Variants in LRCH3 observed in about 807,000 individuals in gnomAD.
LRCH3 encodes leucine rich repeats and calponin homology domain containing 3, also known as DISP complex protein LRCH3.
Under a neutral mutation model 104.5 loss-of-function variants are expected in LRCH3, and 68 were observed. That is an observed-to-expected ratio of 0.65 (90% CI 0.54 to 0.80). The LOEUF (loss-of-function observed/expected upper bound fraction) is 0.80. Among genes scored for constraint, LRCH3 ranks in the 30% least tolerant of loss-of-function variants. The pLI is 0.00. For missense variants in LRCH3, 951 were observed against 953.9 expected (o/e 1.00, Z 0.04); for synonymous variants, 344 against 361.3 (o/e 0.95, Z 0.54).
chr3:197,875,317 G>C (rs184527139), intron 19 of LRCH3, among the ~76,000 whole-genome samples: 152 of 152,294 alleles, frequency 1.0e-3, no homozygotes, highest in African/African-American at 3.4e-3. Context: ...CTACAGCATT[G>C]AGAGTTATGA....
intron 18 of LRCH3, among the ~76,000 whole-genome samples, 174 bp from the exon 19 acceptor site, chr3:197,871,151 G>A (rs542803092): frequency 4.6e-5 from 7 of 151,960 alleles, no homozygotes; most frequent in African/African-American, 7.2e-5. Context: ...CCTGGCTGCC[G>A]TCCATATATA....
At chr3:197,863,352 T>TC (rs1259418972) in intron 15 of LRCH3, among the ~76,000 whole-genome samples, 1 of 152,128 alleles carries the variant, frequency 6.6e-6, no homozygotes, top group Non-Finnish European at 1.5e-5. Flanking sequence ...AACCTCCGCC[T>TC]CCATGTTCAA....
chr3:197,875,097 A>G (rs1355042851), intron 19 of LRCH3, among the ~76,000 whole-genome samples: 1 of 151,850 alleles, frequency 6.6e-6, no homozygotes, highest in African/African-American at 2.4e-5. Context: ...CACCTGGCTA[A>G]TTTTTGTATT....
rs149355815 is a variant in LRCH3 at position 197,830,465 on chromosome 3, T to A, written c.888-305T>A. The stretch of plus-strand genomic sequence containing the variant: ...TACTCAAAAGAGAACCTCTCAGGCC[T>A]TCTCTTGAACCTCTCAAATTTTGCT... On this transcript the variant is annotated intron_variant, in intron 6 of 20. Transcript: ENST00000425562. Among the ~76,000 whole-genome samples, 59 of 152,344 alleles carry A rather than the reference T, an allele frequency of 3.9e-4. No individual in the cohort carries two copies. In the East Asian group the frequency reaches 0.011, roughly 29 times the overall value.
chr3:197,882,830 G>C, intron 20 of LRCH3: 22 of 985,362 alleles, frequency 2.2e-5, no homozygotes, highest in Non-Finnish European at 2.7e-5. Context: ...AGCTTACATA[G>C]TAGTTCCCTG....
intron 4 of LRCH3, among the ~76,000 whole-genome samples, chr3:197,824,487 T>C (rs1017505309): frequency 1.3e-5 from 2 of 150,682 alleles, no homozygotes; most frequent in Admixed American, 1.3e-4. Context: ...AGATTCTCTA[T>C]CCCTTTTTTC....
intron 4 of LRCH3, among the ~76,000 whole-genome samples, chr3:197,822,124 T>G (rs1371081435): frequency 6.6e-6 from 1 of 152,242 alleles, no homozygotes; most frequent in East Asian, 1.9e-4. Context: ...GAACGTGACC[T>G]TTTCAGTCCA....
chr3:197,792,145 C>G (rs1394338302), intron 1 of LRCH3, among the ~76,000 whole-genome samples: 3 of 151,484 alleles, frequency 2.0e-5, no homozygotes, highest in Admixed American at 2.0e-4. Context: ...TGAAGTGAAC[C>G]CGAACGCTGG....
At chr3:197,862,289 G>A (rs1047969797) in intron 15 of LRCH3, among the ~76,000 whole-genome samples, 3 of 152,152 alleles carry the variant, frequency 2.0e-5, no homozygotes, top group Non-Finnish European at 2.9e-5. Context: ...AGCCTACTGC[G>A]CCCGGCCTGT....
At chr3:197,855,866 A>G (rs1163671302) in intron 14 of LRCH3, among the ~76,000 whole-genome samples, 2 of 152,206 alleles carry the variant, frequency 1.3e-5, no homozygotes, top group Non-Finnish European at 2.9e-5. Flanking sequence ...TTGTCTGCCA[A>G]ATAGTGTCCA....
chr3:197,884,661 G>C lies in LRCH3; in HGVS notation c.*995G>C, dbSNP rs1468320451. Reference sequence around the variant, plus strand: ...GCTAGATATTTGTATGTTTGCGGGGGAGGGTAATGGCCCCCTGCATTTTTC... The same window carrying C: ...GCTAGATATTTGTATGTTTGCGGGGCAGGGTAATGGCCCCCTGCATTTTTC... On this transcript the variant is annotated 3_prime_UTR_variant, in exon 21 of 21. Coordinates refer to ENST00000425562, the MANE Select transcript of LRCH3 (RefSeq NM_001365715.1). The C allele has an allele frequency of 2.6e-5, 4 of 152,300 alleles. No individual in the cohort carries two copies. The highest frequency in any genetic ancestry group is 4.4e-5 in the Non-Finnish European group (3 of 68,074). The allele number at this position is 152,300 out of a possible 1,614,324, so 9.4% of individuals were successfully genotyped here. A position where few individuals can be genotyped will look rare whatever the true frequency, so the allele number is the denominator to read the frequency against.
chr3:197,866,269 C>G (rs367569558), intron 17 of LRCH3, 50 bp downstream of exon 17: 1 of 1,281,434 alleles, frequency 7.8e-7, no homozygotes, highest in African/African-American at 1.5e-5. Flanking sequence ...GTTTACACAA[C>G]GACGCTAGCT....
intron 11 of LRCH3, 128 bp from the exon 12 acceptor site, chr3:197,847,744 C>A: frequency 3.0e-6 from 1 of 328,608 alleles, no homozygotes; most frequent in Non-Finnish European, 3.9e-6. Flanking sequence ...AAACACATTT[C>A]AAGCAATGCT....
chr3:197,858,737 C>T (rs1248795129), intron 14 of LRCH3, 97 bp from the exon 15 acceptor site: 1 of 993,538 alleles, frequency 1.0e-6, no homozygotes. Flanking sequence ...CGTCAGTGAC[C>T]TTTCCTTTTC....
chr3:197,832,685 C>CTTT (rs77343938), intron 8 of LRCH3, among the ~76,000 whole-genome samples: 1 of 129,822 alleles, frequency 7.7e-6, no homozygotes, highest in East Asian at 2.2e-4. Flanking sequence ...GAATTTAGTC[C>CTTT]TTTTTTTTTT....
chr3:197,794,089 A>G (rs142075861), intron 1 of LRCH3, among the ~76,000 whole-genome samples: 3,848 of 152,126 alleles, frequency 0.025, 85 homozygotes, highest in Non-Finnish European at 0.038. Context: ...GGCTATCACC[A>G]CTATATAGTA....
rs370414681 is a variant in LRCH3, at chr3:197,845,406, CAAAAAAA to C, written c.1329-1993_1329-1987del. On this transcript the variant is annotated intron_variant, in intron 10 of 20. Coordinates refer to ENST00000425562, the MANE Select transcript of LRCH3 (RefSeq NM_001365715.1). ...ACAACAGAGTGAGATGAGACTCTGT[CAAAAAAA>C]AAAAAAAAAGAAAGAAAGAAAGAAA... is the stretch of plus-strand genomic sequence containing the variant. Among the ~76,000 whole-genome samples, 6 of 85,850 alleles carry C rather than the reference CAAAAAAA, an allele frequency of 7.0e-5. No homozygotes were observed. In the East Asian group the frequency reaches 1.2e-3, roughly 17 times the overall value. The allele number at this position is 85,850 out of a possible 152,430, so 56.3% of individuals were successfully genotyped here.
chr3:197,831,896 C>T (rs1019589533), intron 7 of LRCH3, among the ~76,000 whole-genome samples: 1 of 151,886 alleles, frequency 6.6e-6, no homozygotes, highest in African/African-American at 2.4e-5. Flanking sequence ...GGATTATAGG[C>T]ATCAGCCACC....
chr3:197,882,807 A>T (rs1413279017), intron 20 of LRCH3: 26 of 985,424 alleles, frequency 2.6e-5, no homozygotes, highest in Non-Finnish European at 3.0e-5. Context: ...GGTAATCAAC[A>T]TGTTCCTGCC....
Sources: allele counts gnomAD v4.1 joint callset (sites outside exome capture counted in the v4.1 genomes callset), GRCh38; gene constraint gnomAD v4.1.1; transcripts MANE v1.5; gene names NCBI Gene and HGNC (gene_info 2026-07-23, HGNC 2026-07-21).